TRPM3: variants seen among roughly 807,000 people sequenced by gnomAD.
The protein encoded by TRPM3 is transient receptor potential cation channel subfamily M member 3.
Under a neutral mutation model 181.2 loss-of-function variants are expected in TRPM3, and 77 were observed. The ratio of observed to expected loss-of-function variants is 0.42; its 90% CI spans 0.35 to 0.51. The LOEUF (loss-of-function observed/expected upper bound fraction) is 0.51, where lower values mean the gene tolerates loss of function less well. Ranked by LOEUF, TRPM3 falls within the 20% of genes least tolerant of loss-of-function variation. TRPM3 has a pLI of 0.01. For synonymous variants in TRPM3, 745 were observed against 796.4 expected (o/e 0.94, Z 1.09); for missense variants, 1,759 against 2,196.7 (o/e 0.80, Z 3.98).
At chr9:70,940,754 G>A (rs931622021) in intron 1 of TRPM3, among the ~76,000 whole-genome samples, 6 of 152,100 alleles carry the variant, frequency 3.9e-5, no homozygotes, top group African/African-American at 7.2e-5. Flanking sequence ...GAGAAATTTC[G>A]GGACAGGGAT....
chr9:70,638,581 T>C (rs2057579107), intron 11 of TRPM3, among the ~76,000 whole-genome samples: 2 of 148,752 alleles, frequency 1.3e-5, no homozygotes, highest in South Asian at 4.2e-4. Context: ...AAACCAAAAT[T>C]TTTGAGTGAC....
At chr9:70,628,834 A>AC (rs1486568828) in intron 12 of TRPM3, among the ~76,000 whole-genome samples, 3 of 150,864 alleles carry the variant, frequency 2.0e-5, no homozygotes, top group Admixed American at 6.6e-5. Context: ...AAAAAAAAAA[A>AC]AAAAAAAATT....
At chr9:71,100,174 T>C (rs185044652) in intron 1 of TRPM3, among the ~76,000 whole-genome samples, 70 of 152,180 alleles carry the variant, frequency 4.6e-4, no homozygotes, top group Non-Finnish European at 4.3e-4. Context: ...TTTAACTCCA[T>C]TGATTAACAA....
intron 1 of TRPM3, among the ~76,000 whole-genome samples, chr9:71,437,947 A>G (rs1425097594): frequency 1.3e-5 from 2 of 152,146 alleles, no homozygotes; most frequent in Non-Finnish European, 2.9e-5. Flanking sequence ...CCCTTCTCTA[A>G]GCAATCATCC....
intron 1 of TRPM3, among the ~76,000 whole-genome samples, chr9:71,339,615 T>G (rs930744813): frequency 5.3e-5 from 8 of 152,098 alleles, no homozygotes; most frequent in Non-Finnish European, 1.5e-5. Flanking sequence ...TATCATCTAT[T>G]TGGGAAAAGA....
At chr9:71,347,367 T>C (rs2091357395) in intron 1 of TRPM3, among the ~76,000 whole-genome samples, 1 of 152,212 alleles carries the variant, frequency 6.6e-6, no homozygotes, top group Non-Finnish European at 1.5e-5. Flanking sequence ...GTTTTCTTGT[T>C]TTGTTTTCTG....
chr9:71,392,040 T>G (rs1432506479), intron 1 of TRPM3, among the ~76,000 whole-genome samples: 2 of 152,016 alleles, frequency 1.3e-5, no homozygotes, highest in African/African-American at 4.8e-5. Flanking sequence ...AGAATTTGAG[T>G]GAGCTCAAGG....
chr9:70,620,884 T>G (rs1212533971), intron 15 of TRPM3, among the ~76,000 whole-genome samples: 1 of 151,862 alleles, frequency 6.6e-6, no homozygotes, highest in Non-Finnish European at 1.5e-5. Flanking sequence ...TTTTGATTAC[T>G]AGAATTTATG....
intron 1 of TRPM3, among the ~76,000 whole-genome samples, chr9:71,361,793 C>T (rs563276918): frequency 2.0e-5 from 3 of 152,066 alleles, no homozygotes; most frequent in African/African-American, 4.8e-5. Context: ...GTAATTTCCA[C>T]CAAAAAGCTG....
chr9:71,279,484 A>C (rs900851881), intron 1 of TRPM3, among the ~76,000 whole-genome samples: 8 of 152,242 alleles, frequency 5.3e-5, no homozygotes, highest in Admixed American at 3.3e-4. Flanking sequence ...AGGAGCAAAA[A>C]AATGAAACTG....
chr9:71,301,575 T>C (rs893067930), intron 1 of TRPM3, among the ~76,000 whole-genome samples: 1 of 152,188 alleles, frequency 6.6e-6, no homozygotes, highest in Non-Finnish European at 1.5e-5. Flanking sequence ...TTCTTGGTTA[T>C]CTGGTTAACT....
At chr9:71,009,056 A>G (rs991866422) in intron 1 of TRPM3, among the ~76,000 whole-genome samples, 4 of 152,278 alleles carry the variant, frequency 2.6e-5, no homozygotes, top group African/African-American at 9.6e-5. Context: ...CAGCAAACTG[A>G]GTATAGAAGG....
intron 1 of TRPM3, among the ~76,000 whole-genome samples, chr9:71,274,326 GT>G (rs1250553845): frequency 6.6e-6 from 1 of 152,160 alleles, no homozygotes; most frequent in African/African-American, 2.4e-5. Flanking sequence ...GAACTTAGTG[GT>G]TTTACTGGGT....
chr9:70,886,970 A>G (rs1333976222), intron 1 of TRPM3, among the ~76,000 whole-genome samples: 1 of 152,216 alleles, frequency 6.6e-6, no homozygotes, highest in African/African-American at 2.4e-5. Context: ...CGGAGAGTCA[A>G]CACTTATAAC....
At position 71,057,779 on chromosome 9, in the gene TRPM3, A is replaced by G. The variant is rs541252845; in HGVS notation, c.177+63399T>C. 5.9e-5 allele frequency among the ~76,000 whole-genome samples: 9 copies of G among 152,116 alleles called. No homozygotes were observed. The East Asian group carries it at 1.5e-3, about 26-fold the overall frequency. ...TAGTCCTTCTCATGGCAATTTTTCA[A>G]CTTTTCCATACCTGTAATATTGTCT... is the stretch of plus-strand genomic sequence containing the variant. On this transcript the variant is annotated intron_variant, in intron 1 of 25. Transcript: ENST00000677713.
At chr9:71,132,842 G>A (rs1359104016) in intron 1 of TRPM3, among the ~76,000 whole-genome samples, 1 of 151,942 alleles carries the variant, frequency 6.6e-6, no homozygotes, top group African/African-American at 2.4e-5. Flanking sequence ...AATATTCTTA[G>A]AAAATACAAT....
chr9:70,551,760 T>A (rs1348208443), intron 24 of TRPM3, among the ~76,000 whole-genome samples: 1 of 152,194 alleles, frequency 6.6e-6, no homozygotes, highest in Non-Finnish European at 1.5e-5. Context: ...CCCATGCTCC[T>A]CCACATTGGC....
chr9:71,044,144 A>C (rs1235304725), intron 1 of TRPM3, among the ~76,000 whole-genome samples: 1 of 152,146 alleles, frequency 6.6e-6, no homozygotes, highest in Non-Finnish European at 1.5e-5. Context: ...TTAATTATTA[A>C]GTTTAGTCAC....
rs2132621837 is a variant in TRPM3 at position 70,875,600 on chromosome 9, A to G, written c.178-11089T>C. On this transcript the variant is annotated intron_variant, in intron 1 of 25. Transcript: ENST00000677713. ...CAAATATTATTAAGATGTTATTACA[A>G]TTAATTAATAACTCTGCCATAGAGA... Among the ~76,000 whole-genome samples, 2 of 152,102 alleles carry G rather than the reference A, an allele frequency of 1.3e-5. 1 individual carries two copies. The highest frequency in any genetic ancestry group is 4.1e-4 in the South Asian group (2 of 4,826).
Sources: gnomAD v4.1 joint callset for allele counts (sites outside exome capture counted in the v4.1 genomes callset) on GRCh38, gnomAD v4.1.1 for gene constraint, MANE v1.5 for transcripts, NCBI Gene and HGNC (gene_info 2026-07-23, HGNC 2026-07-21) for gene names.